Variants in PCDH9 observed in about 807,000 individuals in gnomAD.
PCDH9 encodes protocadherin 9.
In PCDH9, 24 loss-of-function variants were observed where a neutral mutation model predicts 70.6. That is an observed-to-expected ratio of 0.34 (90% confidence interval 0.25 to 0.48). The LOEUF is 0.48. Ranked by LOEUF, PCDH9 falls within the 20% of genes least tolerant of loss-of-function variation. PCDH9 has a pLI of 0.99. For missense variants in PCDH9, 1,281 were observed against 1,503.6 expected (o/e 0.85, Z 2.45); for synonymous variants, 562 against 558.5 (o/e 1.01, Z -0.09).
intron 2 of PCDH9, among the ~76,000 whole-genome samples, chr13:67,177,497 A>T (rs1200659935): frequency 2.0e-5 from 3 of 152,052 alleles, no homozygotes; most frequent in Non-Finnish European, 4.4e-5. Flanking sequence ...ACAGCTTTTG[A>T]CACTTTGACC....
chr13:66,998,315 A>C (rs563635880), intron 2 of PCDH9, among the ~76,000 whole-genome samples: 1 of 152,318 alleles, frequency 6.6e-6, no homozygotes, highest in East Asian at 1.9e-4. Flanking sequence ...GCAATGTGTC[A>C]ACCAATAGAG....
At chr13:66,933,892 C>CA (rs10570715) in intron 2 of PCDH9, among the ~76,000 whole-genome samples, 2,420 of 100,978 alleles carry the variant, frequency 0.024, 56 homozygotes, top group African/African-American at 0.073. Context: ...ATAAGCTAGG[C>CA]AAAAAAAAAA....
chr13:66,634,065 T>C (rs907526659), intron 3 of PCDH9, among the ~76,000 whole-genome samples: 1 of 152,212 alleles, frequency 6.6e-6, no homozygotes, highest in African/African-American at 2.4e-5. Context: ...TTTAGCACTT[T>C]ATAAGTGAGA....
At chr13:66,514,552 G>A (rs1959642434) in intron 4 of PCDH9, among the ~76,000 whole-genome samples, 1 of 151,228 alleles carries the variant, frequency 6.6e-6, no homozygotes, top group Admixed American at 6.6e-5. Flanking sequence ...AGATGCCTTA[G>A]GCAACAATTT....
chr13:66,523,474 G>A (rs1456536803), intron 4 of PCDH9, among the ~76,000 whole-genome samples: 1 of 152,014 alleles, frequency 6.6e-6, no homozygotes, highest in Non-Finnish European at 1.5e-5. Flanking sequence ...ATTTGTTCAA[G>A]TAGCACATAA....
At chr13:66,524,856 C>A (rs1262408483) in intron 4 of PCDH9, among the ~76,000 whole-genome samples, 2 of 151,920 alleles carry the variant, frequency 1.3e-5, no homozygotes, top group South Asian at 4.2e-4. Context: ...ATTTTGAAAC[C>A]AAAATTTGTA....
chr13:67,133,798 A>G (rs1467519662), intron 2 of PCDH9, among the ~76,000 whole-genome samples: 1 of 152,106 alleles, frequency 6.6e-6, no homozygotes, highest in Non-Finnish European at 1.5e-5. Context: ...TTGACTCTTC[A>G]TGCAATAAAT....
intron 4 of PCDH9, among the ~76,000 whole-genome samples, chr13:66,514,809 G>A (rs941055912): frequency 2.0e-5 from 3 of 151,986 alleles, no homozygotes; most frequent in African/African-American, 7.2e-5. Context: ...ATACTGCATC[G>A]TTCACACTTT....
chr13:66,714,142 G>T (rs1292165915), intron 3 of PCDH9, among the ~76,000 whole-genome samples: 1 of 152,086 alleles, frequency 6.6e-6, no homozygotes, highest in Non-Finnish European at 1.5e-5. Flanking sequence ...TGCATATAAA[G>T]AAAAGAATAT....
intron 2 of PCDH9, among the ~76,000 whole-genome samples, chr13:67,075,734 G>T (rs1428544558): frequency 1.3e-5 from 2 of 151,918 alleles, no homozygotes; most frequent in Non-Finnish European, 2.9e-5. Context: ...ATTAACAAGG[G>T]TAAAACACTC....
intron 2 of PCDH9, among the ~76,000 whole-genome samples, chr13:66,918,939 C>T (rs1416025305): frequency 6.6e-6 from 1 of 151,100 alleles, no homozygotes; most frequent in Non-Finnish European, 1.5e-5. Context: ...TTCTGTTATG[C>T]TTCAGCTTTG....
chr13:67,018,616 C>CCAA (rs1555297705), intron 2 of PCDH9, among the ~76,000 whole-genome samples: 1 of 76,756 alleles, frequency 1.3e-5, no homozygotes, highest in Admixed American at 1.4e-4. Context: ...AGACTCGTCT[C>CCAA]AAAAAAAAAA....
At chr13:66,552,508 ATTC>A (rs2138683452) in intron 4 of PCDH9, among the ~76,000 whole-genome samples, 1 of 152,252 alleles carries the variant, frequency 6.6e-6, no homozygotes, top group African/African-American at 2.4e-5. Context: ...CTGCTGAACT[ATTC>A]AGTGAATCCC....
At chr13:66,342,651 C>G (rs1283385343) in intron 4 of PCDH9, among the ~76,000 whole-genome samples, 3 of 152,018 alleles carry the variant, frequency 2.0e-5, no homozygotes, top group Non-Finnish European at 4.4e-5. Context: ...GAGACGGAGT[C>G]TCTCTCTGTC....
chr13:66,702,525 A>G (rs187269851), intron 3 of PCDH9, among the ~76,000 whole-genome samples: 16 of 152,198 alleles, frequency 1.1e-4, no homozygotes, highest in Admixed American at 1.0e-3. Flanking sequence ...ATAATACTGT[A>G]TTTTGCACTG....
chr13:66,451,051 C>T (rs192015576), intron 4 of PCDH9, among the ~76,000 whole-genome samples: 2 of 152,096 alleles, frequency 1.3e-5, no homozygotes, highest in Non-Finnish European at 2.9e-5. Flanking sequence ...GGAGATACAC[C>T]TAATGTAAAT....
chr13:66,637,274 G>C (rs983700247), intron 3 of PCDH9, among the ~76,000 whole-genome samples: 1 of 152,088 alleles, frequency 6.6e-6, no homozygotes, highest in Non-Finnish European at 1.5e-5. Flanking sequence ...TTGCAGACTC[G>C]ACTTAAGGGT....
At chr13:67,103,920 TGA>T (rs150048228) in intron 2 of PCDH9, among the ~76,000 whole-genome samples, 1,825 of 152,304 alleles carry the variant, frequency 0.012, 13 homozygotes, top group Non-Finnish European at 0.019. Flanking sequence ...AGGCCAATTG[TGA>T]GAGTTCAGGG....
chr13:66,324,286 G>A lies in PCDH9; in HGVS notation c.3341-19258C>T, dbSNP rs561433636. On this transcript the variant is annotated intron_variant, in intron 4 of 4. Coordinates refer to ENST00000377865, the MANE Select transcript of PCDH9 (RefSeq NM_203487.3). ...TATCCTGCCATCTGCTCCCCTTCAC[G>A]AGACAAAAAAGGTAGATCTATTGGT... 1.6e-4 allele frequency among the ~76,000 whole-genome samples: 24 copies of A among 151,834 alleles called. 1 individual carries two copies. Among genetic ancestry groups the A allele is most frequent in the African/African-American group, 4.1e-4 (17 of 41,326 alleles).
Sources: allele counts gnomAD v4.1 joint callset (sites outside exome capture counted in the v4.1 genomes callset), GRCh38; gene constraint gnomAD v4.1.1; transcripts MANE v1.5; gene names NCBI Gene and HGNC (gene_info 2026-07-23, HGNC 2026-07-21).